CNTNAP2: variants seen among roughly 807,000 people sequenced by gnomAD.
The protein encoded by CNTNAP2 is contactin-associated protein-like 2.
In CNTNAP2, 98 loss-of-function variants were observed where a neutral mutation model predicts 155.2. That is an observed-to-expected ratio of 0.63 (90% CI 0.54 to 0.75). The LOEUF (loss-of-function observed/expected upper bound fraction) is 0.75, where lower values mean the gene tolerates loss of function less well. Among genes scored for constraint, CNTNAP2 ranks in the 30% least tolerant of loss-of-function variants. The pLI, the probability that CNTNAP2 is intolerant of heterozygous loss-of-function variation, is 0.00. For synonymous variants in CNTNAP2, 651 were observed against 631.2 expected, an observed-to-expected ratio of 1.03 and a Z score of -0.47; for missense variants, 1,727 against 1,688.1, an observed-to-expected ratio of 1.02 and a Z score of -0.40.
Position 147,613,975 on chromosome 7 carries a change from T to G in CNTNAP2, c.1898-25131T>G, listed in dbSNP as rs578066443. Among the ~76,000 whole-genome samples, 247 of 152,356 alleles carry G rather than the reference T, an allele frequency of 1.6e-3. 2 individuals carry two copies. Among genetic ancestry groups the G allele is most frequent in the African/African-American group, 5.9e-3 (244 of 41,580 alleles). ...GGTTAAAGACAGGGATCTAATTTTA[T>G]TTTTTCAATATGAATAAACAATTTT... is the stretch of plus-strand genomic sequence containing the variant. On this transcript the variant is annotated intron_variant, in intron 12 of 23. Coordinates refer to ENST00000361727, the MANE Select transcript of CNTNAP2 (RefSeq NM_014141.6).
At chr7:147,608,640 C>T (rs778123266) in intron 12 of CNTNAP2, among the ~76,000 whole-genome samples, 10 of 152,094 alleles carry the variant, frequency 6.6e-5, no homozygotes, top group Admixed American at 1.3e-4. Flanking sequence ...TAGGAATCAT[C>T]ATTGATGATA....
At chr7:148,245,851 G>A (rs569953111) in intron 20 of CNTNAP2, among the ~76,000 whole-genome samples, 119 of 152,204 alleles carry the variant, frequency 7.8e-4, no homozygotes, top group South Asian at 6.0e-3. Flanking sequence ...CAAAAGAAGC[G>A]AATGTCCATC....
chr7:147,098,884 G>A (rs1584841692), intron 4 of CNTNAP2, among the ~76,000 whole-genome samples: 1 of 152,092 alleles, frequency 6.6e-6, no homozygotes, highest in African/African-American at 2.4e-5. Context: ...GAGCATTGAA[G>A]TTATTTTATT....
chr7:147,246,451 C>A (rs1804071443), intron 8 of CNTNAP2, among the ~76,000 whole-genome samples: 1 of 152,162 alleles, frequency 6.6e-6, no homozygotes, highest in African/African-American at 2.4e-5. Flanking sequence ...GCAGTCCAAG[C>A]TGCTGGCAGA....
rs201467062 is a variant in CNTNAP2, at chr7:147,158,140, ACTT to A, written c.1348+25635_1348+25637del. Among the ~76,000 whole-genome samples, 1,012 of 152,172 alleles carry A rather than the reference ACTT, an allele frequency of 6.7e-3. 5 individuals are homozygous for A. Among genetic ancestry groups the A allele is most frequent in the Non-Finnish European group, 0.01 (711 of 67,976 alleles). On this transcript the variant is annotated intron_variant, in intron 8 of 23. Coordinates refer to ENST00000361727, the MANE Select transcript of CNTNAP2 (RefSeq NM_014141.6). ...CTTCTGTTTCCCTGTTTCCCCAGTG[ACTT>A]CTTATCTTTAGTTTAAAATGGAAAA...
At chr7:147,715,730 A>G (rs944900486) in intron 13 of CNTNAP2, among the ~76,000 whole-genome samples, 1 of 151,828 alleles carries the variant, frequency 6.6e-6, no homozygotes, top group Non-Finnish European at 1.5e-5. Flanking sequence ...TCTTTTAATC[A>G]TCTATGATTT....
At chr7:147,614,082 A>G (rs941215280) in intron 12 of CNTNAP2, among the ~76,000 whole-genome samples, 1 of 152,168 alleles carries the variant, frequency 6.6e-6, no homozygotes, top group Non-Finnish European at 1.5e-5. Context: ...AAGTTTTTAA[A>G]AATTTGTTGC....
At chr7:146,407,762 T>C (rs933023877) in intron 1 of CNTNAP2, among the ~76,000 whole-genome samples, 1 of 152,090 alleles carries the variant, frequency 6.6e-6, no homozygotes, top group African/African-American at 2.4e-5. Flanking sequence ...TTCACTGTAA[T>C]GTGGATCTTC....
intron 21 of CNTNAP2, among the ~76,000 whole-genome samples, chr7:148,281,453 C>T (rs1796972131): frequency 6.6e-6 from 1 of 152,182 alleles, no homozygotes; most frequent in African/African-American, 2.4e-5. Context: ...AGCAGGAAAG[C>T]ACTGATGAGA....
chr7:147,516,541 C>T (rs1799130263), intron 11 of CNTNAP2, among the ~76,000 whole-genome samples: 1 of 152,068 alleles, frequency 6.6e-6, no homozygotes, highest in Admixed American at 6.6e-5. Flanking sequence ...AGTACGTAAC[C>T]ACATTCTGAT....
At chr7:146,586,517 C>T (rs1461030048) in intron 1 of CNTNAP2, among the ~76,000 whole-genome samples, 1 of 152,006 alleles carries the variant, frequency 6.6e-6, no homozygotes, top group Non-Finnish European at 1.5e-5. Flanking sequence ...CTGTTTTCTA[C>T]CATTGACATT....
At chr7:148,401,866 A>G (rs1237790246) in intron 22 of CNTNAP2, among the ~76,000 whole-genome samples, 2 of 152,140 alleles carry the variant, frequency 1.3e-5, no homozygotes, top group Non-Finnish European at 2.9e-5. Context: ...CCAAAGTGCT[A>G]GGATTACAGG....
chr7:148,121,344 T>C (rs534820859), intron 16 of CNTNAP2, among the ~76,000 whole-genome samples: 2 of 152,308 alleles, frequency 1.3e-5, no homozygotes, highest in East Asian at 3.9e-4. Flanking sequence ...CTGATCATAC[T>C]TTTTCAGTCA....
At chr7:146,190,246 C>T (rs1053605369) in intron 1 of CNTNAP2, among the ~76,000 whole-genome samples, 1 of 152,086 alleles carries the variant, frequency 6.6e-6, no homozygotes, top group African/African-American at 2.4e-5. Context: ...ATTCTGCAAA[C>T]CAAGGAGATA....
At chr7:147,107,747 T>C (rs1442915231) in intron 4 of CNTNAP2, among the ~76,000 whole-genome samples, 1 of 152,150 alleles carries the variant, frequency 6.6e-6, no homozygotes, top group Admixed American at 6.6e-5. Context: ...TTGAATAAAA[T>C]ATATACTTAA....
chr7:146,867,135 C>G (rs1204413536), intron 3 of CNTNAP2, among the ~76,000 whole-genome samples: 2 of 151,960 alleles, frequency 1.3e-5, no homozygotes, highest in African/African-American at 4.8e-5. Flanking sequence ...AAACCCAGTG[C>G]CCAATAGTTA....
intron 13 of CNTNAP2, among the ~76,000 whole-genome samples, chr7:147,768,551 A>G (rs764834381): frequency 2.6e-5 from 4 of 152,130 alleles, no homozygotes; most frequent in Non-Finnish European, 5.9e-5. Context: ...TGTCATTAAA[A>G]TGTGTATTTA....
chr7:148,160,042 C>T (rs936186344), intron 17 of CNTNAP2, among the ~76,000 whole-genome samples: 4 of 152,092 alleles, frequency 2.6e-5, no homozygotes, highest in Admixed American at 2.0e-4. Flanking sequence ...AGTTCAGGAC[C>T]AGCCCGGGCA....
At chr7:146,421,895 A>AT (rs10626055) in intron 1 of CNTNAP2, among the ~76,000 whole-genome samples, 58,861 of 151,112 alleles carry the variant, frequency 0.39, 13,020 homozygotes, top group African/African-American at 0.6. Context: ...ATATAGACAG[A>AT]TTTTTTTTAC....
Sources: allele counts gnomAD v4.1 joint callset (sites outside exome capture counted in the v4.1 genomes callset), GRCh38; gene constraint gnomAD v4.1.1; transcripts MANE v1.5; gene names NCBI Gene and HGNC (gene_info 2026-07-23, HGNC 2026-07-21).